Variants in BSPRY observed in about 807,000 individuals in gnomAD.
BSPRY encodes B-box and SPRY domain containing.
In BSPRY, 33 loss-of-function variants were observed where a neutral mutation model predicts 38.0. The ratio of observed to expected loss-of-function variants is 0.87; its 90% confidence interval spans 0.66 to 1.16. The LOEUF (loss-of-function observed/expected upper bound fraction) is 1.16. Among genes scored for constraint, BSPRY ranks in the 50% most tolerant of loss-of-function variants. The probability of loss-of-function intolerance (pLI) is 0.00; values close to 1 mark genes in which losing one functional copy is unlikely to be tolerated. For synonymous variants in BSPRY, 224 were observed against 228.5 expected (o/e 0.98, Z 0.18); for missense variants, 523 against 533.2 (o/e 0.98, Z 0.19).
intron 2 of BSPRY, among the ~76,000 whole-genome samples, chr9:113,358,824 CA>C (rs1344964679): frequency 6.6e-6 from 1 of 152,154 alleles, no homozygotes; most frequent in East Asian, 1.9e-4. Context: ...ACCATGGTTT[CA>C]GGGGCTCACC....
intron 1 of BSPRY, among the ~76,000 whole-genome samples, chr9:113,353,217 A>G (rs1833998537): frequency 6.6e-6 from 1 of 151,968 alleles, no homozygotes; most frequent in South Asian, 2.1e-4. Context: ...GCAAAAGTCC[A>G]TCTCTACAAA....
intron 2 of BSPRY, among the ~76,000 whole-genome samples, chr9:113,354,603 A>G (rs1273590185): frequency 2.0e-5 from 3 of 152,208 alleles, no homozygotes; most frequent in African/African-American, 7.2e-5. Flanking sequence ...TTCTTCTACC[A>G]TCTGGTCATT....
chr9:113,351,878 C>T (rs1025725791), intron 1 of BSPRY, among the ~76,000 whole-genome samples: 6 of 152,228 alleles, frequency 3.9e-5, no homozygotes, highest in Admixed American at 2.6e-4. Context: ...GGTGCTATTT[C>T]AGCTCACTGC....
At position 113,371,197 on chromosome 9, in the gene BSPRY, G is replaced by A. The variant is rs2118942722; in HGVS notation, c.*1055G>A. Reference sequence around the variant, plus strand: ...TAAGAGGGCCAACCTTAGGGCACGTGGGCATTATTAAAGGTCTTAAAAGCA... The same window carrying A: ...TAAGAGGGCCAACCTTAGGGCACGTAGGCATTATTAAAGGTCTTAAAAGCA... On this transcript the variant is annotated 3_prime_UTR_variant, in exon 6 of 6. Coordinates refer to ENST00000374183, the MANE Select transcript of BSPRY (RefSeq NM_017688.3). 6.6e-6 allele frequency: 1 copy of A among 152,374 alleles called. No homozygotes were observed. The highest frequency in any genetic ancestry group is 2.1e-4 in the South Asian group (1 of 4,818). 9.4% of individuals were successfully genotyped at this position (152,374 alleles called of 1,614,324 possible). A position where few individuals can be genotyped will look rare whatever the true frequency, so the allele number is the denominator to read the frequency against.
chr9:113,365,907 C>A (rs972622982), intron 4 of BSPRY, among the ~76,000 whole-genome samples: 1 of 150,186 alleles, frequency 6.7e-6, no homozygotes, highest in Middle Eastern at 3.5e-3. Flanking sequence ...TGGGTCCAAG[C>A]GATTCTCCTG....
chr9:113,354,177 T>A, intron 1 of BSPRY, 63 bp from the exon 2 acceptor site: 1 of 1,373,978 alleles, frequency 7.3e-7, no homozygotes, highest in Non-Finnish European at 1.0e-6. Flanking sequence ...AGAAAATCAC[T>A]GGGATGGAGT....
intron 4 of BSPRY, among the ~76,000 whole-genome samples, chr9:113,366,931 T>C (rs1005066199): frequency 6.6e-6 from 1 of 152,198 alleles, no homozygotes; most frequent in African/African-American, 2.4e-5. Flanking sequence ...AGAGAGTGTG[T>C]GTACTCGGAA....
intron 4 of BSPRY, among the ~76,000 whole-genome samples, chr9:113,365,626 A>G (rs557594399): frequency 5.3e-5 from 8 of 152,244 alleles, no homozygotes; most frequent in African/African-American, 1.9e-4. Flanking sequence ...GGAGAATGAT[A>G]TTTAGAAACC....
chr9:113,356,985 A>T (rs547474264), intron 2 of BSPRY, among the ~76,000 whole-genome samples: 1 of 152,284 alleles, frequency 6.6e-6, no homozygotes, highest in African/African-American at 2.4e-5. Flanking sequence ...GGTTGGAGAT[A>T]TAAATTTGGG....
intron 2 of BSPRY, among the ~76,000 whole-genome samples, chr9:113,357,612 T>G (rs549867939): frequency 6.6e-6 from 1 of 152,254 alleles, no homozygotes; most frequent in South Asian, 2.1e-4. Flanking sequence ...TGTTCTTAGT[T>G]TTGATCAAAG....
In BSPRY at chr9:113,371,145, C is replaced by G. The variant is rs951570986; in HGVS notation, c.*1003C>G. 2 of 152,348 alleles carry G rather than the reference C, an allele frequency of 1.3e-5. No individual in the cohort carries two copies. The highest frequency in any genetic ancestry group is 4.8e-5 in the African/African-American group (2 of 41,582). 9.4% of individuals were successfully genotyped at this position (152,348 alleles called of 1,614,324 possible). On this transcript the variant is annotated 3_prime_UTR_variant, in exon 6 of 6. Coordinates refer to ENST00000374183, the MANE Select transcript of BSPRY (RefSeq NM_017688.3). ...ATAAACTGCACACCTGGGGTGATGG[C>G]TTAAAGCCAGAAAGAGCTGAGGGAG...
At position 113,369,627 on chromosome 9, in the gene BSPRY, A is replaced by T; in HGVS notation, c.694A>T (p.Ile232Leu). 3 of 1,612,196 alleles carry T rather than the reference A, an allele frequency of 1.9e-6. No individual in the cohort carries two copies. The highest frequency in any genetic ancestry group is 2.5e-6 in the Non-Finnish European group (3 of 1,178,896). ...ATTCTTTCTGGCAGGCACAGAGGAC[A>T]TACGGATCGATGAGAGGACAGTCAG... ...VLGSLSGTED[I>L]RIDERTVSPF... The change falls in exon 6 of 6, where the codon ATA (isoleucine) becomes TTA (leucine). Residue 232 changes from isoleucine to leucine, a missense_variant. Ile to Leu is a conservative substitution (Grantham distance 5). Transcript: ENST00000374183.
chr9:113,352,053 C>T (rs1005340144), intron 1 of BSPRY, among the ~76,000 whole-genome samples: 4 of 152,206 alleles, frequency 2.6e-5, no homozygotes, highest in African/African-American at 4.8e-5. Context: ...TCAGGTGATC[C>T]GCCCACCTCA....
intron 2 of BSPRY, among the ~76,000 whole-genome samples, chr9:113,358,962 A>G (rs1356634796): frequency 6.6e-6 from 1 of 152,170 alleles, no homozygotes; most frequent in Non-Finnish European, 1.5e-5. Context: ...CAGGAGTTCA[A>G]AGCTGCAGTG....
chr9:113,349,600 GCCGGGGCCGGGGTCCGGGTCCGGGC>G lies in BSPRY; in HGVS notation c.27_51del (p.Pro10ArgfsTer12). ...CGGCCATGTCCGCCGAGGGCGCGGA[GCCGGGGCCGGGGTCCGGGTCCGGGC>G]CCGGGCCGGGGCCACTCTGCCCCGA... is the stretch of plus-strand genomic sequence containing the variant. On this transcript the variant is annotated frameshift_variant, in exon 1 of 6. Transcript: ENST00000374183. LOFTEE classifies it high-confidence loss of function. The G allele has an allele frequency of 1.7e-6, 2 of 1,184,542 alleles. No individual in the cohort carries two copies. Among genetic ancestry groups the G allele is most frequent in the Non-Finnish European group, 2.1e-6 (2 of 958,032 alleles). The allele number at this position is 1,184,542 out of a possible 1,614,324, so 73.4% of individuals were successfully genotyped here.
intron 2 of BSPRY, 76 bp from the exon 3 acceptor site, chr9:113,360,431 A>C (rs1194413729): frequency 2.9e-6 from 4 of 1,383,376 alleles, no homozygotes; most frequent in Non-Finnish European, 4.0e-6. Flanking sequence ...ACTCCTTTCC[A>C]CTGAGCCTAA....
At chr9:113,364,606 T>C (rs1158885203) in intron 4 of BSPRY, among the ~76,000 whole-genome samples, 1 of 152,004 alleles carries the variant, frequency 6.6e-6, no homozygotes, top group Non-Finnish European at 1.5e-5. Context: ...ATATCAATTG[T>C]TGACATTTTG....
At chr9:113,355,414 G>T (rs555768105) in intron 2 of BSPRY, among the ~76,000 whole-genome samples, 86 of 152,126 alleles carry the variant, frequency 5.7e-4, no homozygotes, top group Non-Finnish European at 1.1e-3. Context: ...GACCTAAAAG[G>T]GGCTAGACCA....
rs757649230 is a variant in BSPRY, at chr9:113,370,140, T to G, written c.1207T>G (p.Ter403GlyextTer58). 7.7e-6 allele frequency: 12 copies of G among 1,556,112 alleles called. No homozygotes were observed. The African/African-American group carries it at 1.6e-4, about 21-fold the overall frequency. The change falls in exon 6 of 6, where the codon TGA becomes GGA. Residue 403 changes from the stop codon to glycine (G), a stop_lost. Transcript: ENST00000374183. The surrounding 1 kb of genome is among the most constrained non-coding windows in gnomAD (Gnocchi z 4.8). ...CGATCAGACCATTTCTATCGTCCGC[T>G]GACCTCTGGCCACAGGAAGCCAGGT... ...VADQTISIVR[*>G]
Sources: gnomAD v4.1 joint callset for allele counts (sites outside exome capture counted in the v4.1 genomes callset) on GRCh38, gnomAD v4.1.1 for gene constraint, Gnocchi (gnomAD v3.1) non-coding constraint, MANE v1.5 for transcripts, NCBI Gene and HGNC (gene_info 2026-07-23, HGNC 2026-07-21) for gene names.